The following SEMA3C variants were observed in gnomAD, a reference collection of about 807,000 sequenced individuals.
SEMA3C encodes semaphorin-3C.
SEMA3C carries 47 observed loss-of-function variants against 89.4 expected under a neutral mutation model. The ratio of observed to expected loss-of-function variants is 0.53; its 90% confidence interval spans 0.42 to 0.67. The LOEUF (loss-of-function observed/expected upper bound fraction) is 0.67. Ranked by LOEUF, SEMA3C falls within the 30% of genes least tolerant of loss-of-function variation. The probability of loss-of-function intolerance (pLI) is 0.00; values close to 1 mark genes in which losing one functional copy is unlikely to be tolerated. For synonymous variants in SEMA3C, 310 were observed against 320.2 expected, an observed-to-expected ratio of 0.97 and a Z score of 0.34; for missense variants, 839 against 929.1, an observed-to-expected ratio of 0.90 and a Z score of 1.26.
intron 15 of SEMA3C, among the ~76,000 whole-genome samples, chr7:80,757,621 A>G (rs1200646605): frequency 6.6e-6 from 1 of 152,242 alleles, no homozygotes; most frequent in Non-Finnish European, 1.5e-5. Flanking sequence ...AAGATAATTA[A>G]GCAATGTAGA....
intron 2 of SEMA3C, among the ~76,000 whole-genome samples, chr7:80,849,870 T>G (rs1790473057): frequency 6.6e-6 from 1 of 151,992 alleles, no homozygotes; most frequent in Admixed American, 6.6e-5. Flanking sequence ...GCAATACAAA[T>G]AATGAGAAAA....
At chr7:80,882,412 CTTTTTTTTTTTTTT>C (rs763742493) in intron 2 of SEMA3C, among the ~76,000 whole-genome samples, 4 of 46,664 alleles carry the variant, frequency 8.6e-5, no homozygotes, top group African/African-American at 3.7e-4. Flanking sequence ...GTAAGGGATG[CTTTTTTTTTTTTTT>C]TTTTTTTTTT....
rs571762682 is a variant in SEMA3C, at chr7:80,761,723, T to A, written c.1444-66A>T. On this transcript the variant is annotated intron_variant, in intron 13 of 17. Coordinates refer to ENST00000265361, the MANE Select transcript of SEMA3C (RefSeq NM_006379.5). ...GCTTAAAAGGATTTTACATTCAGAT[T>A]TTTTTTCTATTAAATCTCAAGAAGA... The A allele has an allele frequency of 1.2e-5, 10 of 865,156 alleles. No homozygotes were observed. The Middle Eastern group carries it at 1.2e-3, about 106-fold the overall frequency. The allele number at this position is 865,156 out of a possible 1,614,324, so 53.6% of individuals were successfully genotyped here. A position where few individuals can be genotyped will look rare whatever the true frequency, so the allele number is the denominator to read the frequency against.
chr7:80,772,590 AG>A (rs1788458431), intron 12 of SEMA3C, among the ~76,000 whole-genome samples: 1 of 152,128 alleles, frequency 6.6e-6, no homozygotes, highest in Admixed American at 6.6e-5. Context: ...GCCCTTAGAA[AG>A]GCTGTCTCAA....
intron 4 of SEMA3C, 23 bp downstream of exon 4, chr7:80,827,402 T>TGG: frequency 6.8e-7 from 1 of 1,481,156 alleles, no homozygotes; most frequent in South Asian, 1.4e-5. Flanking sequence ...GTTTTTTTTT[T>TGG]TTTTTTTTTT....
chr7:80,824,667 T>C (rs1045979138), intron 4 of SEMA3C, among the ~76,000 whole-genome samples: 2 of 152,182 alleles, frequency 1.3e-5, no homozygotes, highest in Admixed American at 1.3e-4. Context: ...TCTGGAGGGA[T>C]AGCATGTTTT....
At chr7:80,786,822 T>C (rs925070882) in intron 12 of SEMA3C, among the ~76,000 whole-genome samples, 16 of 152,284 alleles carry the variant, frequency 1.1e-4, no homozygotes, top group Admixed American at 3.3e-4. Flanking sequence ...CAAAGAGAGA[T>C]TGAACTTTGA....
chr7:80,841,279 T>C (rs966436660), intron 2 of SEMA3C, among the ~76,000 whole-genome samples: 17 of 152,170 alleles, frequency 1.1e-4, no homozygotes, highest in Non-Finnish European at 2.9e-5. Context: ...TAAAGCAGAA[T>C]AAAAATATTT....
chr7:80,827,515 A>G, intron 3 of SEMA3C, 28 bp from the exon 4 acceptor site: 1 of 1,586,474 alleles, frequency 6.3e-7, no homozygotes, highest in South Asian at 1.2e-5. Context: ...TAAAGGTTGC[A>G]TAATCTCACC....
At chr7:80,922,249 C>G, upstream of SEMA3C, 1 of 1,288,180 alleles carries the variant, frequency 7.8e-7, no homozygotes. Context: ...CAATAAGTTT[C>G]AATACTTCCT....
intron 8 of SEMA3C, among the ~76,000 whole-genome samples, chr7:80,803,373 C>A (rs1269033308): frequency 6.6e-6 from 1 of 152,152 alleles, no homozygotes; most frequent in African/African-American, 2.4e-5. Context: ...CCTTTTACCC[C>A]TTCTGCTGAC....
chr7:80,784,057 T>A (rs1788747691), intron 12 of SEMA3C, among the ~76,000 whole-genome samples: 1 of 152,176 alleles, frequency 6.6e-6, no homozygotes, highest in Admixed American at 6.5e-5. Flanking sequence ...GCTAAAAATA[T>A]AAATTTTACA....
chr7:80,795,126 T>C (rs1271896274), intron 11 of SEMA3C, among the ~76,000 whole-genome samples: 1 of 152,172 alleles, frequency 6.6e-6, no homozygotes, highest in Non-Finnish European at 1.5e-5. Flanking sequence ...AGCAACATTC[T>C]TAACCTTAGA....
intron 2 of SEMA3C, among the ~76,000 whole-genome samples, chr7:80,888,241 C>T: frequency 6.6e-6 from 1 of 151,788 alleles, no homozygotes; most frequent in African/African-American, 2.4e-5. Flanking sequence ...GGCAAAACCC[C>T]ATCTCTACAA....
Position 80,743,130 on chromosome 7 carries a change from T to A in SEMA3C, c.*1764A>T, listed in dbSNP as rs920843376. ...GTGTCAATGTAGAAGAGAAAAGAAG[T>A]TTAATTATACCTTTTAAGCAGGCAA... On this transcript the variant is annotated 3_prime_UTR_variant, in exon 18 of 18. Coordinates refer to ENST00000265361, the MANE Select transcript of SEMA3C (RefSeq NM_006379.5). The A allele has an allele frequency of 6.6e-6, 1 of 151,884 alleles. No homozygotes were observed. Among genetic ancestry groups the A allele is most frequent in the African/African-American group, 2.4e-5 (1 of 41,412 alleles). The allele number at this position is 151,884 out of a possible 1,614,324, so 9.4% of individuals were successfully genotyped here.
Position 80,802,667 on chromosome 7 carries a change from A to T in SEMA3C, c.914T>A (p.Leu305Ter). 6.2e-7 allele frequency: 1 copy of T among 1,607,772 alleles called. No homozygotes were observed. Among genetic ancestry groups the T allele is most frequent in the South Asian group, 1.1e-5 (1 of 90,884 alleles). The change falls in exon 9 of 18, where the codon TTA becomes TAA. Residue 305 changes from leucine to a stop codon, truncating the protein, a stop_gained and splice_region_variant. Transcript: ENST00000265361. LOFTEE classifies it high-confidence loss of function. ...EDGPETHFDE[L>*]EDVFLLETDN... ...TTTTCAATCTCATATGTATGTACCT[A>T]ATTCATCAAAGTGTGTTTCTGGGCC...
rs60751168 is a variant in SEMA3C, at chr7:80,756,324, A to AT, written c.1643+2006dup. Among the ~76,000 whole-genome samples, 1,071 of 148,998 alleles carry AT rather than the reference A, an allele frequency of 7.2e-3. 11 individuals carry two copies. Among genetic ancestry groups the AT allele is most frequent in the African/African-American group, 0.022 (877 of 40,566 alleles). ...TCTGTGAGCTGTCAAGCATCAGACCATTTTTTTTTTGCCACCTCTTCCTTT... is the reference window on the plus strand; with the variant it reads ...TCTGTGAGCTGTCAAGCATCAGACCATTTTTTTTTTTGCCACCTCTTCCTTT... On this transcript the variant is annotated intron_variant, in intron 15 of 17. Transcript: ENST00000265361.
chr7:80,755,202 ATTTCT>A (rs1788038168), intron 15 of SEMA3C, among the ~76,000 whole-genome samples: 2 of 151,414 alleles, frequency 1.3e-5, no homozygotes, highest in Admixed American at 1.3e-4. Context: ...TGATAGACTC[ATTTCT>A]TTGTTTATTA....
chr7:80,785,906 C>T (rs1583875760), intron 12 of SEMA3C, among the ~76,000 whole-genome samples: 1 of 152,194 alleles, frequency 6.6e-6, no homozygotes, highest in East Asian at 1.9e-4. Flanking sequence ...CTGTGCCTGG[C>T]CACAGTAAAT....
Sources: gnomAD v4.1 joint callset for allele counts (sites outside exome capture counted in the v4.1 genomes callset) on GRCh38, gnomAD v4.1.1 for gene constraint, MANE v1.5 for transcripts, NCBI Gene and HGNC (gene_info 2026-07-23, HGNC 2026-07-21) for gene names.